The following LRRTM3 variants were observed in gnomAD, a reference collection of about 807,000 sequenced individuals.
LRRTM3 encodes the protein leucine-rich repeat transmembrane neuronal protein 3.
A neutral mutation model predicts 44.7 loss-of-function variants in LRRTM3; 24 were observed. That is an observed-to-expected ratio of 0.54 (90% CI 0.39 to 0.76). The LOEUF (loss-of-function observed/expected upper bound fraction) is 0.76, where lower values mean the gene tolerates loss of function less well. Among genes scored for constraint, LRRTM3 ranks in the 30% least tolerant of loss-of-function variants. LRRTM3 has a pLI of 0.00. For synonymous variants in LRRTM3, 277 were observed against 278.7 expected, an observed-to-expected ratio of 0.99 and a Z score of 0.06; for missense variants, 587 against 702.2, an observed-to-expected ratio of 0.84 and a Z score of 1.85.
intron 2 of LRRTM3, among the ~76,000 whole-genome samples, chr10:67,007,992 A>T (rs1040597170): frequency 4.6e-5 from 7 of 152,086 alleles, no homozygotes; most frequent in African/African-American, 1.4e-4. Flanking sequence ...TACCATATTA[A>T]ATATAGCTAT....
Position 66,926,117 on chromosome 10 carries a change from G to C in LRRTM3, c.-467G>C. ...CGGTACGGGGCTCTCCTGCCTTCTGGGCTCCAACGCAGCTCTGTGGCTGAA... is the reference window on the plus strand; with the variant it reads ...CGGTACGGGGCTCTCCTGCCTTCTGCGCTCCAACGCAGCTCTGTGGCTGAA... On this transcript the variant is annotated 5_prime_UTR_variant, in exon 1 of 3. Transcript: ENST00000361320. 2.2e-6 allele frequency: 1 copy of C among 458,800 alleles called. No individual in the cohort carries two copies. The highest frequency in any genetic ancestry group is 4.4e-6 in the Non-Finnish European group (1 of 228,464). The allele number at this position is 458,800 out of a possible 1,614,324, so 28.4% of individuals were successfully genotyped here. A position where few individuals can be genotyped will look rare whatever the true frequency, so the allele number is the denominator to read the frequency against.
At chr10:67,060,732 A>G (rs1855710318) in intron 2 of LRRTM3, among the ~76,000 whole-genome samples, 1 of 152,124 alleles carries the variant, frequency 6.6e-6, no homozygotes. Context: ...CAGATGATGT[A>G]GCTAGAAAAC....
chr10:67,035,851 A>T (rs1325698317), intron 2 of LRRTM3, among the ~76,000 whole-genome samples: 2 of 152,224 alleles, frequency 1.3e-5, no homozygotes, highest in Non-Finnish European at 2.9e-5. Context: ...GAAACTGTCC[A>T]GTACATTATT....
At position 67,098,039 on chromosome 10, in the gene LRRTM3, TAAAAG is replaced by T; in HGVS notation, c.*246_*250del. 2.0e-6 allele frequency: 1 copy of T among 495,756 alleles called. No homozygotes were observed. Among genetic ancestry groups the T allele is most frequent in the East Asian group, 3.4e-5 (1 of 29,218 alleles). 30.7% of individuals were successfully genotyped at this position (495,756 alleles called of 1,614,324 possible). On this transcript the variant is annotated 3_prime_UTR_variant, in exon 3 of 3. Coordinates refer to ENST00000361320, the MANE Select transcript of LRRTM3 (RefSeq NM_178011.5). ...TTAAACAGAGTATGACCCTGAAAAA[TAAAAG>T]AATCTTTTTTTTTCAAAACTCATCC... is the stretch of plus-strand genomic sequence containing the variant.
chr10:66,976,145 T>C (rs931225957), intron 2 of LRRTM3, among the ~76,000 whole-genome samples: 16 of 152,188 alleles, frequency 1.1e-4, no homozygotes, highest in Non-Finnish European at 1.5e-5. Flanking sequence ...TTGTAAAACA[T>C]ATGTTCTTGT....
At chr10:67,070,198 T>C (rs1440264593) in intron 2 of LRRTM3, among the ~76,000 whole-genome samples, 1 of 152,244 alleles carries the variant, frequency 6.6e-6, no homozygotes, top group Non-Finnish European at 1.5e-5. Flanking sequence ...GGATATCCTC[T>C]TATGTGAAGT....
chr10:67,039,614 G>A (rs1295305730), intron 2 of LRRTM3, among the ~76,000 whole-genome samples: 1 of 152,010 alleles, frequency 6.6e-6, no homozygotes, highest in Non-Finnish European at 1.5e-5. Context: ...CTAATATCTA[G>A]AGGTTAGAGG....
chr10:66,929,601 T>A (rs1216912567), intron 2 of LRRTM3, among the ~76,000 whole-genome samples: 1 of 152,210 alleles, frequency 6.6e-6, no homozygotes, highest in African/African-American at 2.4e-5. Flanking sequence ...TTAATAAATG[T>A]ATAAAACGAA....
chr10:67,001,232 C>T (rs1349114506), intron 2 of LRRTM3, among the ~76,000 whole-genome samples: 11 of 147,958 alleles, frequency 7.4e-5, no homozygotes, highest in South Asian at 2.1e-4. Flanking sequence ...ACCAGGGACT[C>T]GGAGGTTGCA....
intron 2 of LRRTM3, among the ~76,000 whole-genome samples, chr10:67,059,254 T>C (rs563435946): frequency 1.3e-5 from 2 of 152,170 alleles, no homozygotes; most frequent in Non-Finnish European, 2.9e-5. Flanking sequence ...AATAAATACA[T>C]AGAACCTTGA....
chr10:66,927,230 T>G lies in LRRTM3; in HGVS notation c.314T>G (p.Phe105Cys). 6.2e-7 allele frequency: 1 copy of G among 1,614,146 alleles called. No individual in the cohort carries two copies. Among genetic ancestry groups the G allele is most frequent in the Non-Finnish European group, 8.5e-7 (1 of 1,180,038 alleles). ...ATCAGCAATATTGACGAAAATGCTTTTAATGGAATACGCAGACTCAAAGAG... is the reference window on the plus strand; with the variant it reads ...ATCAGCAATATTGACGAAAATGCTTGTAATGGAATACGCAGACTCAAAGAG... The part of the protein sequence containing the change: ...NHISNIDENA[F>C]NGIRRLKELI... Residue 105 changes from phenylalanine to cysteine, a missense_variant, in exon 2 of 3, where the codon TTT becomes TGT. Phe to Cys is a radical substitution (Grantham distance 205). Coordinates refer to ENST00000361320, the MANE Select transcript of LRRTM3 (RefSeq NM_178011.5). The surrounding 1 kb of genome is among the most constrained non-coding windows in gnomAD (Gnocchi z 4.7).
In LRRTM3 at chr10:66,966,806, A is replaced by G. The variant is rs1849440288; in HGVS notation, c.1536+38354A>G. Among the ~76,000 whole-genome samples, 3 of 152,226 alleles carry G rather than the reference A, an allele frequency of 2.0e-5. No individual in the cohort carries two copies. In the South Asian group the frequency reaches 6.2e-4, roughly 32 times the overall value. ...AATATGGAAAAAAACAACATGAATC[A>G]GTGTGCTCTCACATCTCCATATCTC... On this transcript the variant is annotated intron_variant, in intron 2 of 2. Transcript: ENST00000361320.
chr10:66,930,111 G>A (rs1008698069), intron 2 of LRRTM3, among the ~76,000 whole-genome samples: 1 of 152,058 alleles, frequency 6.6e-6, no homozygotes, highest in African/African-American at 2.4e-5. Context: ...ATCTAGGCAA[G>A]TCACCATAAA....
chr10:67,056,177 A>G (rs1235308048), intron 2 of LRRTM3, among the ~76,000 whole-genome samples: 3 of 152,168 alleles, frequency 2.0e-5, no homozygotes, highest in Non-Finnish European at 4.4e-5. Context: ...TTTATATCAC[A>G]TAAGAGTTGA....
Position 66,954,604 on chromosome 10 carries a change from A to G in LRRTM3, c.1536+26152A>G, listed in dbSNP as rs139215163. On this transcript the variant is annotated intron_variant, in intron 2 of 2. Coordinates refer to ENST00000361320, the MANE Select transcript of LRRTM3 (RefSeq NM_178011.5). ...TTAGCTTCAGTTAAAATTATGTCAA[A>G]TTGTTAACAGAAGGAAAATGAGGTT... Among the ~76,000 whole-genome samples the G allele has an allele frequency of 3.3e-5, 5 of 152,304 alleles. No homozygotes were observed. In the East Asian group the frequency reaches 9.6e-4, roughly 29 times the overall value.
intron 2 of LRRTM3, among the ~76,000 whole-genome samples, chr10:66,998,008 C>T (rs143180991): frequency 6.6e-6 from 1 of 152,170 alleles, no homozygotes; most frequent in Non-Finnish European, 1.5e-5. Flanking sequence ...TTCTAACTGG[C>T]CTCCCTGCCC....
intron 2 of LRRTM3, among the ~76,000 whole-genome samples, chr10:67,040,736 A>G (rs1854341641): frequency 6.6e-6 from 1 of 152,144 alleles, no homozygotes. Context: ...CCAAGATGTC[A>G]GGAAAAAATG....
chr10:67,064,249 C>T (rs1052075010), intron 2 of LRRTM3, among the ~76,000 whole-genome samples: 2 of 152,000 alleles, frequency 1.3e-5, no homozygotes, highest in Non-Finnish European at 2.9e-5. Flanking sequence ...TCTCTGAAGT[C>T]TTGGGTTACT....
chr10:67,033,253 T>G (rs1037494356), intron 2 of LRRTM3, among the ~76,000 whole-genome samples: 2 of 152,280 alleles, frequency 1.3e-5, no homozygotes, highest in Middle Eastern at 6.8e-3. Context: ...TGAGGCAAAG[T>G]GTTATGTGAG....
Sources: allele counts gnomAD v4.1 joint callset (sites outside exome capture counted in the v4.1 genomes callset), GRCh38; gene constraint gnomAD v4.1.1; non-coding constraint Gnocchi (gnomAD v3.1); transcripts MANE v1.5; gene names NCBI Gene and HGNC (gene_info 2026-07-23, HGNC 2026-07-21).